The following XRN1 variants were observed in gnomAD, a reference collection of about 807,000 sequenced individuals.
The protein encoded by XRN1 is strand-exchange protein 1 homolog.
XRN1 carries 67 observed loss-of-function variants against 222.3 expected under a neutral mutation model. That is an observed-to-expected ratio of 0.30 (90% CI 0.25 to 0.37). XRN1 has a LOEUF of 0.37. Ranked by LOEUF, XRN1 falls within the 10% of genes least tolerant of loss-of-function variation. XRN1 has a pLI of 1.00. For missense variants in XRN1, 1,707 were observed against 2,000.2 expected, an observed-to-expected ratio of 0.85 and a Z score of 2.80; for synonymous variants, 643 against 652.4, an observed-to-expected ratio of 0.99 and a Z score of 0.22.
At chr3:142,421,404 G>T in intron 9 of XRN1, 72 bp downstream of exon 9, 1 of 1,233,852 alleles carries the variant, frequency 8.1e-7, no homozygotes, top group East Asian at 2.4e-5. Context: ...CTTTCTTCTG[G>T]TATTACATAA....
intron 2 of XRN1, among the ~76,000 whole-genome samples, chr3:142,432,022 AAT>A (rs1380920740): frequency 3.8e-5 from 3 of 79,362 alleles, no homozygotes; most frequent in Non-Finnish European, 6.8e-5. Context: ...ATATTTTTTT[AAT>A]ATATATAATC....
At chr3:142,370,791 CA>C (rs2066964060) in intron 26 of XRN1, among the ~76,000 whole-genome samples, 171 bp from the exon 27 acceptor site, 1 of 151,674 alleles carries the variant, frequency 6.6e-6, no homozygotes, top group Non-Finnish European at 1.5e-5. Flanking sequence ...AAAAGACACA[CA>C]AAAAGATTAG....
At chr3:142,376,656 C>T in intron 23 of XRN1, 62 bp from the exon 24 acceptor site, 1 of 1,201,538 alleles carries the variant, frequency 8.3e-7, no homozygotes, top group Non-Finnish European at 1.2e-6. Context: ...AATGTTATTT[C>T]TTTACCTTTA....
Position 142,447,803 on chromosome 3 carries a change from TA to T in XRN1, c.75+66del. 1.3e-6 allele frequency: 2 copies of T among 1,575,094 alleles called. No individual in the cohort carries two copies. Among genetic ancestry groups the T allele is most frequent in the Non-Finnish European group, 1.7e-6 (2 of 1,150,046 alleles). ...AGAGGTGGCTCGAAAGCCCCAGCTC[TA>T]AGGTGGAGAGGGCCGCGGAGCCCCG... On this transcript the variant is annotated intron_variant, in intron 1 of 40. Coordinates refer to ENST00000392981, the MANE Select transcript of XRN1 (RefSeq NM_001282857.2). This position sits in a 1 kb window ranked among gnomAD's most constrained non-coding sequence, Gnocchi z 4.2.
intron 1 of XRN1, among the ~76,000 whole-genome samples, chr3:142,437,647 A>G (rs1018938521): frequency 3.3e-5 from 5 of 152,224 alleles, no homozygotes; most frequent in Non-Finnish European, 5.9e-5. Flanking sequence ...AAATGTCTTA[A>G]GTAATATCCC....
At chr3:142,362,341 T>C (rs1336174736) in intron 29 of XRN1, among the ~76,000 whole-genome samples, 1 of 152,152 alleles carries the variant, frequency 6.6e-6, no homozygotes, top group Admixed American at 6.5e-5. Flanking sequence ...TTTCACCATA[T>C]TGGCCAGGCT....
At position 142,400,485 on chromosome 3, in the gene XRN1, A is replaced by G; in HGVS notation, c.2166T>C (p.Leu722=). ...ATACAGCCACGACTCTAGCTTCCTC[A>G]AGGTGAGGCCAATTAACAAAGACAG... The part of the protein sequence containing the change: ...GKSVFVNWPH[L]EEARVVAVSD... Residue 722 remains leucine, a synonymous_variant, in exon 19 of 41, where the codon CTT becomes CTC. Coordinates refer to ENST00000392981, the MANE Select transcript of XRN1 (RefSeq NM_001282857.2). 6.2e-7 allele frequency: 1 copy of G among 1,612,194 alleles called. No homozygotes were observed. Among genetic ancestry groups the G allele is most frequent in the African/African-American group, 1.3e-5 (1 of 75,034 alleles).
intron 39 of XRN1, among the ~76,000 whole-genome samples, chr3:142,316,454 G>A (rs1437448243): frequency 6.6e-6 from 1 of 151,634 alleles, no homozygotes; most frequent in Non-Finnish European, 1.5e-5. Flanking sequence ...TGTTGCCCAG[G>A]CTAATAATTA....
chr3:142,329,402 A>G, intron 37 of XRN1, 32 bp downstream of exon 37: 1 of 1,337,944 alleles, frequency 7.5e-7, no homozygotes, highest in Non-Finnish European at 9.7e-7. Context: ...ATGTTAAATA[A>G]TTTATATAAA....
At chr3:142,437,673 T>A (rs1255567594) in intron 1 of XRN1, among the ~76,000 whole-genome samples, 1 of 152,074 alleles carries the variant, frequency 6.6e-6, no homozygotes, top group Non-Finnish European at 1.5e-5. Flanking sequence ...CATAGGAAAC[T>A]AAAGCAAAAA....
chr3:142,346,399 T>C (rs1377815126), intron 33 of XRN1, among the ~76,000 whole-genome samples: 3 of 152,168 alleles, frequency 2.0e-5, no homozygotes, highest in Non-Finnish European at 1.5e-5. Context: ...ATGTAAATGC[T>C]GTGTAAATAG....
rs1181200601 is a variant in XRN1 at position 142,412,658 on chromosome 3, C to A, written c.1599G>T (p.Leu533Phe). Residue 533 changes from leucine (L) to phenylalanine (F), a missense_variant, in exon 15 of 41, where the codon TTG (leucine) becomes TTT (phenylalanine). This residue lies in a region of XRN1 where 1,234 missense variants were observed against 1,518.2 expected (regional missense o/e 0.81). Transcript: ENST00000392981. The part of the protein sequence containing the change: ...KNLLPACYQH[L>F]MTNEDSPIIE... The stretch of plus-strand genomic sequence containing the variant: ...TAATTGGTGAGTCTTCATTGGTCAT[C>A]AAATGCTGTGAAAATATGAAATAGT... 1 of 1,573,698 alleles carries A rather than the reference C, an allele frequency of 6.4e-7. No individual in the cohort carries two copies.
intron 10 of XRN1, among the ~76,000 whole-genome samples, chr3:142,419,188 A>C (rs2068904757): frequency 6.6e-6 from 1 of 152,150 alleles, no homozygotes; most frequent in Non-Finnish European, 1.5e-5. Context: ...CAGTGTCTCT[A>C]AAGTTAGCTG....
intron 22 of XRN1, 114 bp downstream of exon 22, chr3:142,383,186 A>G (rs1385449620): frequency 1.2e-6 from 1 of 833,772 alleles, no homozygotes; most frequent in Non-Finnish European, 1.9e-6. Context: ...ACATGGATAA[A>G]TTCTTTATTT....
intron 20 of XRN1, 115 bp from the exon 21 acceptor site, chr3:142,384,800 TTAAA>T: frequency 6.2e-6 from 5 of 806,654 alleles, no homozygotes; most frequent in Non-Finnish European, 7.5e-6. Flanking sequence ...TAAATAAACT[TTAAA>T]TAAATACGCT....
chr3:142,388,111 T>C (rs1391447622), intron 20 of XRN1, among the ~76,000 whole-genome samples: 4 of 152,174 alleles, frequency 2.6e-5, no homozygotes, highest in Non-Finnish European at 5.9e-5. Context: ...CAGCTGACAC[T>C]TGAAAAACAC....
intron 1 of XRN1, among the ~76,000 whole-genome samples, chr3:142,439,345 G>A (rs1275092741): frequency 6.6e-6 from 1 of 152,166 alleles, no homozygotes; most frequent in East Asian, 1.9e-4. Context: ...CAGGCCAGCA[G>A]GCAGTTCCCA....
intron 1 of XRN1, among the ~76,000 whole-genome samples, chr3:142,445,516 A>T (rs1056361157): frequency 3.3e-5 from 5 of 152,154 alleles, no homozygotes; most frequent in Non-Finnish European, 7.3e-5. Flanking sequence ...AGGTTCAGGG[A>T]ATATAAGTTC....
chr3:142,355,233 CAAAT>C (rs2066430188), intron 32 of XRN1, 164 bp downstream of exon 32: 1 of 382,144 alleles, frequency 2.6e-6, no homozygotes. Context: ...GAACCTAAAA[CAAAT>C]AAAGTTGAAA....
Sources: allele counts gnomAD v4.1 joint callset (sites outside exome capture counted in the v4.1 genomes callset), GRCh38; gene constraint gnomAD v4.1.1; regional missense constraint gnomAD v4.1.1; non-coding constraint Gnocchi (gnomAD v3.1); transcripts MANE v1.5; gene names NCBI Gene and HGNC (gene_info 2026-07-23, HGNC 2026-07-21).